The following WIF1 variants were observed in gnomAD, a reference collection of about 807,000 sequenced individuals.
WIF1 encodes Wnt inhibitory factor 1.
In WIF1, 35 loss-of-function variants were observed where a neutral mutation model predicts 53.5. That is an observed-to-expected ratio of 0.65 (90% CI 0.50 to 0.87). The LOEUF is 0.87. Ranked by LOEUF, WIF1 falls within the 40% of genes least tolerant of loss-of-function variation. The pLI is 0.00. For missense variants in WIF1, 467 were observed against 476.8 expected (o/e 0.98, Z 0.19); for synonymous variants, 171 against 170.4 (o/e 1.00, Z -0.03).
intron 7 of WIF1, among the ~76,000 whole-genome samples, chr12:65,061,544 T>G (rs1053631095): frequency 1.3e-5 from 2 of 152,184 alleles, no homozygotes; most frequent in Non-Finnish European, 2.9e-5. Context: ...TTATCTCATT[T>G]CTGAGTTAAA....
chr12:65,058,538 C>G (rs891109389), intron 7 of WIF1, among the ~76,000 whole-genome samples: 1 of 152,104 alleles, frequency 6.6e-6, no homozygotes, highest in Non-Finnish European at 1.5e-5. Flanking sequence ...ACAACAGAAA[C>G]GTGACTGCAG....
At chr12:65,077,658 C>T in intron 3 of WIF1, 88 bp downstream of exon 3, 1 of 958,238 alleles carries the variant, frequency 1.0e-6, no homozygotes, top group Non-Finnish European at 1.6e-6. Context: ...ATTTCATAAC[C>T]TCTCTGATGT....
chr12:65,112,416 A>G (rs1232611171), intron 2 of WIF1, among the ~76,000 whole-genome samples: 2 of 142,200 alleles, frequency 1.4e-5, no homozygotes, highest in East Asian at 3.9e-4. Flanking sequence ...ACACACACAC[A>G]CACACACACA....
At chr12:65,087,412 C>T (rs907357464) in intron 2 of WIF1, among the ~76,000 whole-genome samples, 3 of 151,966 alleles carry the variant, frequency 2.0e-5, no homozygotes, top group African/African-American at 7.3e-5. Context: ...GCATAGTTAC[C>T]TCCAGGGTTG....
At chr12:65,086,018 T>C (rs1883031972) in intron 2 of WIF1, among the ~76,000 whole-genome samples, 1 of 152,192 alleles carries the variant, frequency 6.6e-6, no homozygotes, top group Non-Finnish European at 1.5e-5. Flanking sequence ...GAGGGCTATA[T>C]TGCTATTTTG....
chr12:65,052,480 A>G (rs1167924220), intron 9 of WIF1, among the ~76,000 whole-genome samples: 2 of 152,102 alleles, frequency 1.3e-5, no homozygotes, highest in Non-Finnish European at 2.9e-5. Context: ...TTCTGTCTCC[A>G]GTATCCTCCT....
chr12:65,120,748 T>C, intron 1 of WIF1, 192 bp from the exon 2 acceptor site: 1 of 826,384 alleles, frequency 1.2e-6, no homozygotes, highest in South Asian at 2.1e-5. Context: ...AACAGACCCA[T>C]GCTTTCAGGG....
In WIF1 at chr12:65,051,266, A is replaced by C. The variant is rs1882435627; in HGVS notation, c.*83T>G. 6.7e-7 allele frequency: 1 copy of C among 1,502,346 alleles called. No individual in the cohort carries two copies. The highest frequency in any genetic ancestry group is 8.9e-7 in the Non-Finnish European group (1 of 1,119,508). 93.1% of individuals were successfully genotyped at this position (1,502,346 alleles called of 1,614,324 possible). A position where few individuals can be genotyped will look rare whatever the true frequency, so the allele number is the denominator to read the frequency against. On this transcript the variant is annotated 3_prime_UTR_variant, in exon 10 of 10. Coordinates refer to ENST00000286574, the MANE Select transcript of WIF1 (RefSeq NM_007191.5). ...CAGGCCAGTATTCTTAAGTGTAATG[A>C]ACATTATTTGAACATTCAACACATG...
At chr12:65,055,276 G>T (rs1882506168) in intron 8 of WIF1, 63 bp from the exon 9 acceptor site, 1 of 1,543,296 alleles carries the variant, frequency 6.5e-7, no homozygotes, top group Non-Finnish European at 8.8e-7. Context: ...GAATTACATA[G>T]TTGCTTTCCT....
intron 7 of WIF1, among the ~76,000 whole-genome samples, chr12:65,061,105 C>T (rs1014486891): frequency 7.9e-5 from 12 of 152,076 alleles, no homozygotes; most frequent in Non-Finnish European, 1.3e-4. Context: ...TATCTTTATC[C>T]GGGAAGGGTA....
chr12:65,058,984 G>A (rs142826300), intron 7 of WIF1, among the ~76,000 whole-genome samples: 2,813 of 152,172 alleles, frequency 0.018, 41 homozygotes, highest in Middle Eastern at 0.027. Context: ...CCTGGAAGGC[G>A]GAGGTTGCAG....
intron 2 of WIF1, among the ~76,000 whole-genome samples, chr12:65,082,559 A>G (rs1321737041): frequency 1.3e-5 from 2 of 152,160 alleles, no homozygotes; most frequent in African/African-American, 4.8e-5. Context: ...GAGAAGCATA[A>G]AAGACACCCA....
At chr12:65,082,104 A>G (rs1882959310) in intron 2 of WIF1, among the ~76,000 whole-genome samples, 1 of 152,118 alleles carries the variant, frequency 6.6e-6, no homozygotes, top group African/African-American at 2.4e-5. Context: ...GCTGATGAAC[A>G]ATATATTTAC....
At chr12:65,071,686 T>C (rs1882776546) in intron 3 of WIF1, among the ~76,000 whole-genome samples, 1 of 152,182 alleles carries the variant, frequency 6.6e-6, no homozygotes, top group South Asian at 2.1e-4. Context: ...AAAAATCCCA[T>C]CAGCCCAGGT....
chr12:65,092,508 G>GTATA (rs144164448), intron 2 of WIF1, among the ~76,000 whole-genome samples: 16,608 of 146,478 alleles, frequency 0.11, 1,640 homozygotes, highest in East Asian at 0.37. Context: ...ATATATGTGT[G>GTATA]TATATATATA....
At chr12:65,095,618 G>A (rs1883191602) in intron 2 of WIF1, 1 of 152,070 alleles carries the variant, frequency 6.6e-6, no homozygotes, top group Admixed American at 6.6e-5. Flanking sequence ...AACACCAAAG[G>A]GGAAAGAGAT....
intron 7 of WIF1, among the ~76,000 whole-genome samples, chr12:65,058,564 C>A (rs12314633): frequency 6.6e-6 from 1 of 152,118 alleles, no homozygotes; most frequent in African/African-American, 2.4e-5. Context: ...GTTAGACATT[C>A]GAAAGCTATT....
intron 2 of WIF1, among the ~76,000 whole-genome samples, chr12:65,092,023 G>A (rs1883129935): frequency 6.6e-6 from 1 of 152,100 alleles, no homozygotes; most frequent in South Asian, 2.1e-4. Flanking sequence ...AGTAATGACA[G>A]GCACTATGTG....
chr12:65,097,334 A>G (rs1196188929), intron 2 of WIF1, among the ~76,000 whole-genome samples: 1 of 152,208 alleles, frequency 6.6e-6, no homozygotes, highest in Non-Finnish European at 1.5e-5. Flanking sequence ...AAGAAACAAT[A>G]GAGATATCTA....
Sources: gnomAD v4.1 joint callset for allele counts (sites outside exome capture counted in the v4.1 genomes callset) on GRCh38, gnomAD v4.1.1 for gene constraint, MANE v1.5 for transcripts, NCBI Gene and HGNC (gene_info 2026-07-23, HGNC 2026-07-21) for gene names.